The following NEIL1 variants were observed in gnomAD, a reference collection of about 807,000 sequenced individuals.
NEIL1 encodes nei like DNA glycosylase 1, also known as endonuclease 8-like 1.
In NEIL1, 31 loss-of-function variants were observed where a neutral mutation model predicts 44.2. The observed-to-expected ratio is 0.70, with a 90% confidence interval of 0.53 to 0.95. The LOEUF (loss-of-function observed/expected upper bound fraction) is 0.95. NEIL1 is among the 40% of genes least tolerant of loss of function. The pLI, the probability that NEIL1 is intolerant of heterozygous loss-of-function variation, is 0.00. For synonymous variants in NEIL1, 254 were observed against 209.7 expected, an observed-to-expected ratio of 1.21 and a Z score of -1.83; for missense variants, 549 against 515.5, an observed-to-expected ratio of 1.07 and a Z score of -0.63.
At position 75,347,406 on chromosome 15, in the gene NEIL1, G is replaced by A. The variant is rs1429170766; in HGVS notation, c.-90G>A. On this transcript the variant is annotated 5_prime_UTR_variant, in exon 1 of 10. Coordinates refer to ENST00000355059, the MANE Select transcript of NEIL1 (RefSeq NM_024608.4). The stretch of plus-strand genomic sequence containing the variant: ...GAGACAGCGGCGACCCGGGGCCTCA[G>A]ACCTGCCCCCGCATCTCGCCGGCGC... The A allele has an allele frequency of 6.6e-6, 1 of 152,328 alleles. No homozygotes were observed. The highest frequency in any genetic ancestry group is 1.9e-4 in the East Asian group (1 of 5,208). 9.4% of individuals were successfully genotyped at this position (152,328 alleles called of 1,614,324 possible). A position where few individuals can be genotyped will look rare whatever the true frequency, so the allele number is the denominator to read the frequency against.
At position 75,354,453 on chromosome 15, in the gene NEIL1, A is replaced by C; in HGVS notation, c.897A>C (p.Lys299Asn). ...CAGGGCGCAAGTCCCGCAAAAAGAA[A>C]TCCAAGGCCACACAGCTGAGTCCTG... ...APKGRKSRKK[K>N]SKATQLSPED... Residue 299 changes from lysine to asparagine, a missense_variant, in exon 8 of 10, where the codon AAA becomes AAC. Transcript: ENST00000355059. 1 of 1,614,136 alleles carries C rather than the reference A, an allele frequency of 6.2e-7. No individual in the cohort carries two copies. The highest frequency in any genetic ancestry group is 1.7e-5 in the Admixed American group (1 of 60,012).
In NEIL1 at chr15:75,348,905, G is replaced by T; in HGVS notation, c.-1G>T. 6.2e-7 allele frequency: 1 copy of T among 1,610,458 alleles called. No homozygotes were observed. Among genetic ancestry groups the T allele is most frequent in the Non-Finnish European group, 8.5e-7 (1 of 1,179,470 alleles). ...ACAGGACTCTGCCACCCTCCCTCAG[G>T]ATGCCTGAGGGCCCCGAGCTGCACC... On this transcript the variant is annotated 5_prime_UTR_variant, in exon 2 of 10. Transcript: ENST00000355059.
At chr15:75,352,514 C>T (rs2071995749) in intron 4 of NEIL1, 88 bp from the exon 5 acceptor site, 1 of 1,547,864 alleles carries the variant, frequency 6.5e-7, no homozygotes, top group Non-Finnish European at 8.9e-7. Context: ...GGATGAACTG[C>T]CCAAAGTCTG....
At chr15:75,353,396 A>C in intron 5 of NEIL1, 1 of 340,458 alleles carries the variant, frequency 2.9e-6, no homozygotes, top group South Asian at 2.4e-5. Flanking sequence ...TAATTGTTAA[A>C]AATTTTTTTT....
At chr15:75,353,694 A>G (rs780298976) in intron 5 of NEIL1, 45 bp from the exon 6 acceptor site, 6 of 1,612,436 alleles carry the variant, frequency 3.7e-6, no homozygotes, top group African/African-American at 2.7e-5. Flanking sequence ...ACTCCTCCCA[A>G]CCTGAGCCTG....
At chr15:75,353,434 C>T in intron 5 of NEIL1, 1 of 384,472 alleles carries the variant, frequency 2.6e-6, no homozygotes, top group South Asian at 2.1e-5. Flanking sequence ...CTATGTTGCC[C>T]AGGCTGGTAT....
chr15:75,354,132 C>T, intron 6 of NEIL1, 118 bp from the exon 7 acceptor site: 1 of 1,237,864 alleles, frequency 8.1e-7, no homozygotes, highest in Non-Finnish European at 1.2e-6. Context: ...GTCCTAGAGG[C>T]TTCCTAAGGG....
intron 5 of NEIL1, chr15:75,353,163 AAC>A (rs955951475): frequency 1.6e-5 from 3 of 181,970 alleles, no homozygotes; most frequent in Non-Finnish European, 3.5e-5. Context: ...AAAACAAAAA[AAC>A]AGTGTTTCCT....
chr15:75,353,956 G>T, intron 6 of NEIL1, 90 bp downstream of exon 6: 1 of 1,533,074 alleles, frequency 6.5e-7, no homozygotes. Context: ...TGATGCTCAG[G>T]GTCTGTCTAG....
chr15:75,356,327 C>CG lies in NEIL1; in HGVS notation c.*1296dup. The CG allele has an allele frequency of 6.2e-7, 1 of 1,612,104 alleles. No homozygotes were observed. The highest frequency in any genetic ancestry group is 8.5e-7 in the Non-Finnish European group (1 of 1,179,398). ...TGCTTGACGGTCTCCAATACGACCG[C>CG]GGGTGAAGACACGGAAAACGCACTC... On this transcript the variant is annotated 3_prime_UTR_variant, in exon 10 of 10. Transcript: ENST00000355059. This position sits in a 1 kb window ranked among gnomAD's most constrained non-coding sequence, Gnocchi z 5.8.
chr15:75,352,652 A>C lies in NEIL1; in HGVS notation c.669A>C (p.Pro223=), dbSNP rs1402515622. The change falls in exon 5 of 10, where the codon CCA becomes CCC. Residue 223 remains proline (P), a synonymous_variant. Coordinates refer to ENST00000355059, the MANE Select transcript of NEIL1 (RefSeq NM_024608.4). ...AGATAAGGACCAAGCTGCAGAATCC[A>C]GACCTGCTGGAGCTATGTCACTCAG... is the stretch of plus-strand genomic sequence containing the variant. ...SQKIRTKLQN[P]DLLELCHSVP... 1 of 1,613,544 alleles carries C rather than the reference A, an allele frequency of 6.2e-7. No individual in the cohort carries two copies.
In NEIL1 at chr15:75,355,749, C is replaced by A; in HGVS notation, c.*715C>A. Reference sequence around the variant, plus strand: ...TCCCACCCCAGACTTCCCACCCCCACCCCAAGCGTGAGGATGGGCCCTAAG... The same window carrying A: ...TCCCACCCCAGACTTCCCACCCCCAACCCAAGCGTGAGGATGGGCCCTAAG... On this transcript the variant is annotated 3_prime_UTR_variant, in exon 10 of 10. Coordinates refer to ENST00000355059, the MANE Select transcript of NEIL1 (RefSeq NM_024608.4). 1 of 765,518 alleles carries A rather than the reference C, an allele frequency of 1.3e-6. No homozygotes were observed. The highest frequency in any genetic ancestry group is 2.0e-6 in the Non-Finnish European group (1 of 498,396). 47.4% of individuals were successfully genotyped at this position (765,518 alleles called of 1,614,324 possible). A position where few individuals can be genotyped will look rare whatever the true frequency, so the allele number is the denominator to read the frequency against.
chr15:75,352,438 T>A, intron 4 of NEIL1, 51 bp downstream of exon 4: 1 of 1,606,770 alleles, frequency 6.2e-7, no homozygotes, highest in Non-Finnish European at 8.5e-7. Context: ...GGTGTCCACA[T>A]GGGCCGGCAA....
rs1376048137 is a variant in NEIL1 at position 75,356,207 on chromosome 15, G to A, written c.*1173G>A. 7 of 1,613,278 alleles carry A rather than the reference G, an allele frequency of 4.3e-6. No homozygotes were observed. The highest frequency in any genetic ancestry group is 5.9e-6 in the Non-Finnish European group (7 of 1,179,870). ...CTCAGGACCAGCGAGCGGCGCTGGGGGCTGCTCTCCGCCTGCAGAGGAACA... is the reference window on the plus strand; with the variant it reads ...CTCAGGACCAGCGAGCGGCGCTGGGAGCTGCTCTCCGCCTGCAGAGGAACA... On this transcript the variant is annotated 3_prime_UTR_variant, in exon 10 of 10. Coordinates refer to ENST00000355059, the MANE Select transcript of NEIL1 (RefSeq NM_024608.4). This position sits in a 1 kb window ranked among gnomAD's most constrained non-coding sequence, Gnocchi z 5.8.
rs1189900288 is a variant in NEIL1, at chr15:75,348,479, G to C, written c.-22-405G>C. 3.8e-6 allele frequency: 4 copies of C among 1,039,290 alleles called. No individual in the cohort carries two copies. The African/African-American group carries it at 6.7e-5, about 17-fold the overall frequency. The allele number at this position is 1,039,290 out of a possible 1,614,324, so 64.4% of individuals were successfully genotyped here. A position where few individuals can be genotyped will look rare whatever the true frequency, so the allele number is the denominator to read the frequency against. On this transcript the variant is annotated intron_variant, in intron 1 of 9. Coordinates refer to ENST00000355059, the MANE Select transcript of NEIL1 (RefSeq NM_024608.4). The stretch of plus-strand genomic sequence containing the variant: ...TGCGGAGGGGGTGCTCCCTCAGATG[G>C]GGGGTCAGGAAGTCTCCCTCAAGTG...
intron 6 of NEIL1, 32 bp from the exon 7 acceptor site, chr15:75,354,218 C>T (rs774086971): frequency 6.2e-7 from 1 of 1,613,714 alleles, no homozygotes; most frequent in Admixed American, 1.7e-5. Flanking sequence ...CCAACCCAGG[C>T]TGATTCCTGA....
chr15:75,347,886 AG>A, intron 1 of NEIL1: 1 of 1,213,774 alleles, frequency 8.2e-7, no homozygotes, highest in Non-Finnish European at 1.1e-6. Flanking sequence ...GTGCCAGGCC[AG>A]GGGCGGCTCC....
At position 75,349,152 on chromosome 15, in the gene NEIL1, G is replaced by T; in HGVS notation, c.247G>T (p.Gly83Cys). 1 of 1,609,880 alleles carries T rather than the reference G, an allele frequency of 6.2e-7. No homozygotes were observed. ...LALVFRFGMS[G>C]SFQLVPREEL... is the part of the protein sequence containing the mutation. The stretch of plus-strand genomic sequence containing the variant: ...CCTGGTCTTCCGCTTCGGCATGTCC[G>T]GCTCTTTTCAGCTGGTGCCCCGCGA... Residue 83 changes from glycine (G) to cysteine (C), a missense_variant, in exon 2 of 10, where the codon GGC (glycine) becomes TGC (cysteine). By Grantham distance (159) the Gly-to-Cys change is radical. Transcript: ENST00000355059.
In NEIL1 at chr15:75,356,983, C is replaced by A; in HGVS notation, c.*1949C>A. ...AGACTCCAGAGCTCCTGTCACTAGG[C>A]CGAGCACAAGCTCTAGAACCACACA... On this transcript the variant is annotated 3_prime_UTR_variant, in exon 10 of 10. Transcript: ENST00000355059. This position sits in a 1 kb window ranked among gnomAD's most constrained non-coding sequence, Gnocchi z 5.8. The A allele has an allele frequency of 1.7e-6, 2 of 1,170,312 alleles. No homozygotes were observed. The highest frequency in any genetic ancestry group is 1.3e-6 in the Non-Finnish European group (1 of 795,620). The allele number at this position is 1,170,312 out of a possible 1,614,324, so 72.5% of individuals were successfully genotyped here.
Sources: allele counts gnomAD v4.1 joint callset, GRCh38; gene constraint gnomAD v4.1.1; non-coding constraint Gnocchi (gnomAD v3.1); transcripts MANE v1.5; gene names NCBI Gene and HGNC (gene_info 2026-07-23, HGNC 2026-07-21).